Variants in BICRAL observed in about 807,000 individuals in gnomAD.
BICRAL encodes the protein BICRA like chromatin remodeling complex associated protein, also known as BRD4-interacting chromatin-remodeling complex-associated protein-like.
Under a neutral mutation model 91.8 loss-of-function variants are expected in BICRAL, and 8 were observed. The observed-to-expected ratio is 0.09, with a 90% confidence interval of 0.05 to 0.16. The LOEUF is 0.16. Ranked by LOEUF, BICRAL falls within the 10% of genes least tolerant of loss-of-function variation. BICRAL has a pLI of 1.00. For synonymous variants in BICRAL, 445 were observed against 491.1 expected (o/e 0.91, Z 1.24); for missense variants, 1,038 against 1,310.9 (o/e 0.79, Z 3.21).
Position 42,866,539 on chromosome 6 carries a change from T to C in BICRAL, c.*1093T>C, listed in dbSNP as rs1765714883. 1 of 204,128 alleles carries C rather than the reference T, an allele frequency of 4.9e-6. No individual in the cohort carries two copies. The highest frequency in any genetic ancestry group is 1.0e-5 in the Non-Finnish European group (1 of 97,810). 12.6% of individuals were successfully genotyped at this position (204,128 alleles called of 1,614,324 possible). On this transcript the variant is annotated 3_prime_UTR_variant, in exon 13 of 13. Transcript: ENST00000314073. ...TTTTCAGTTTAAACTTTAAGGAGACTCTGGCCTTGTTTATGCTTCTTGTCT... is the reference window on the plus strand; with the variant it reads ...TTTTCAGTTTAAACTTTAAGGAGACCCTGGCCTTGTTTATGCTTCTTGTCT...
chr6:42,813,691 T>G (rs972496699), intron 2 of BICRAL, among the ~76,000 whole-genome samples: 1 of 152,048 alleles, frequency 6.6e-6, no homozygotes, highest in Non-Finnish European at 1.5e-5. Flanking sequence ...CAGCTAATTT[T>G]TTTATTTTTT....
intron 1 of BICRAL, among the ~76,000 whole-genome samples, chr6:42,806,809 T>C (rs2113908796): frequency 6.7e-6 from 1 of 149,770 alleles, no homozygotes; most frequent in African/African-American, 2.5e-5. Context: ...GCCACTGTGC[T>C]CAGCTGGTAT....
At chr6:42,771,272 G>A (rs1762720399) in intron 1 of BICRAL, among the ~76,000 whole-genome samples, 1 of 152,196 alleles carries the variant, frequency 6.6e-6, no homozygotes, top group Non-Finnish European at 1.5e-5. Flanking sequence ...TCCCCCTGCG[G>A]GCCGCCGCTG....
upstream of BICRAL, among the ~76,000 whole-genome samples, chr6:42,778,395 T>C (rs1022189938): frequency 1.3e-5 from 2 of 152,194 alleles, no homozygotes; most frequent in Non-Finnish European, 2.9e-5. Flanking sequence ...AACTATCCTA[T>C]TGGGAACCTC....
intron 2 of BICRAL, among the ~76,000 whole-genome samples, chr6:42,816,679 T>C (rs538368227): frequency 1.1e-4 from 16 of 152,244 alleles, no homozygotes; most frequent in African/African-American, 3.8e-4. Context: ...AGATCTTACA[T>C]GCATGTGGCA....
chr6:42,806,630 A>T (rs1763716662), intron 1 of BICRAL, among the ~76,000 whole-genome samples: 1 of 150,414 alleles, frequency 6.6e-6, no homozygotes, highest in African/African-American at 2.5e-5. Context: ...CTCCCGCCTT[A>T]GCCTCCCATG....
chr6:42,763,361 T>C (rs1762583119), intron 1 of BICRAL, among the ~76,000 whole-genome samples: 1 of 152,248 alleles, frequency 6.6e-6, no homozygotes, highest in Admixed American at 6.5e-5. Flanking sequence ...AAAGCTTTTA[T>C]ATAAATGCTC....
chr6:42,820,743 A>G (rs1744555052), intron 2 of BICRAL, among the ~76,000 whole-genome samples: 1 of 152,020 alleles, frequency 6.6e-6, no homozygotes, highest in African/African-American at 2.4e-5. Flanking sequence ...CTCCTTTCTC[A>G]ACCATCATTT....
intron 1 of BICRAL, among the ~76,000 whole-genome samples, chr6:42,761,352 A>G (rs1012666290): frequency 7.9e-5 from 12 of 151,934 alleles, no homozygotes; most frequent in Admixed American, 5.9e-4. Context: ...GCTACTTGGG[A>G]GGTGGAGGAT....
intron 1 of BICRAL, among the ~76,000 whole-genome samples, chr6:42,806,212 C>A (rs1259781909): frequency 6.6e-6 from 1 of 152,154 alleles, no homozygotes; most frequent in African/African-American, 2.4e-5. Context: ...CAACCAGAGG[C>A]CCTTGTTTGC....
intron 2 of BICRAL, among the ~76,000 whole-genome samples, chr6:42,817,146 A>ATG (rs1479438198): frequency 8.2e-6 from 1 of 121,910 alleles, no homozygotes; most frequent in South Asian, 2.9e-4. Flanking sequence ...CACATCATTT[A>ATG]TATGTGTGTG....
At chr6:42,782,494 G>A (rs974755501) in intron 1 of BICRAL, among the ~76,000 whole-genome samples, 1 of 151,276 alleles carries the variant, frequency 6.6e-6, no homozygotes, top group South Asian at 2.1e-4. Flanking sequence ...GGGCGCAGGC[G>A]GGCAGGGGGC....
At chr6:42,774,062 G>A (rs1028661628) in intron 1 of BICRAL, among the ~76,000 whole-genome samples, 2 of 152,198 alleles carry the variant, frequency 1.3e-5, no homozygotes, top group Non-Finnish European at 2.9e-5. Context: ...ATTTCAGAGA[G>A]GAGAACTAAG....
intron 1 of BICRAL, among the ~76,000 whole-genome samples, chr6:42,790,248 C>T (rs1016282692): frequency 2.0e-5 from 3 of 152,000 alleles, no homozygotes; most frequent in African/African-American, 7.3e-5. Context: ...GCCTGGACCT[C>T]CTGGGATCAA....
intron 1 of BICRAL, among the ~76,000 whole-genome samples, chr6:42,787,771 A>G (rs1371542805): frequency 6.6e-6 from 1 of 152,180 alleles, no homozygotes; most frequent in Non-Finnish European, 1.5e-5. Flanking sequence ...GGATGCTTCG[A>G]AGAGAGAATA....
rs547419244 is a variant in BICRAL, at chr6:42,824,682, G to A, written c.159+1679G>A. Among the ~76,000 whole-genome samples the A allele has an allele frequency of 3.9e-5, 6 of 152,318 alleles. No individual in the cohort carries two copies. In the South Asian group the frequency reaches 1.2e-3, roughly 32 times the overall value. On this transcript the variant is annotated intron_variant, in intron 5 of 12. Transcript: ENST00000314073. Reference sequence around the variant, plus strand: ...CAACCTGAGAAACTCATATTAGAATGTTTTGAACCTTGTTACATAATAATC... The same window carrying A: ...CAACCTGAGAAACTCATATTAGAATATTTTGAACCTTGTTACATAATAATC...
rs1325335689 is a variant in BICRAL, at chr6:42,829,269, T to C, written c.936T>C (p.Asn312=). Residue 312 remains asparagine (N), a synonymous_variant, in exon 6 of 13, where the codon AAT becomes AAC. Coordinates refer to ENST00000314073, the MANE Select transcript of BICRAL (RefSeq NM_001393499.1). ...CAAATTCAAATAAAGTCCCAATTAA[T>C]ATACAGCCAAAGCCTATCCAGATGG... is the stretch of plus-strand genomic sequence containing the variant. ...LAPNSNKVPI[N]IQPKPIQMGQ... The C allele has an allele frequency of 1.9e-6, 3 of 1,614,054 alleles. No individual in the cohort carries two copies. In the African/African-American group the frequency reaches 4.0e-5, roughly 22 times the overall value.
At position 42,852,352 on chromosome 6, in the gene BICRAL, G is replaced by A. The variant is rs150892100; in HGVS notation, c.1945+155G>A. 1.2e-3 allele frequency: 844 copies of A among 706,518 alleles called. 9 individuals are homozygous for A. In the East Asian group the frequency reaches 0.017, roughly 14 times the overall value. 43.8% of individuals were successfully genotyped at this position (706,518 alleles called of 1,614,324 possible). The stretch of plus-strand genomic sequence containing the variant: ...GTATCCTTTCCGCAAATAATATACT[G>A]TGTTGCATCAACTCTAAGATAGCAT... On this transcript the variant is annotated intron_variant, in intron 7 of 12. Coordinates refer to ENST00000314073, the MANE Select transcript of BICRAL (RefSeq NM_001393499.1).
intron 1 of BICRAL, among the ~76,000 whole-genome samples, chr6:42,790,526 C>G (rs1040007159): frequency 6.8e-6 from 1 of 146,808 alleles, no homozygotes; most frequent in African/African-American, 2.6e-5. Flanking sequence ...ATGTAGCACC[C>G]CCCCCCCACC....
Sources: gnomAD v4.1 joint callset for allele counts (sites outside exome capture counted in the v4.1 genomes callset) on GRCh38, gnomAD v4.1.1 for gene constraint, MANE v1.5 for transcripts, NCBI Gene and HGNC (gene_info 2026-07-23, HGNC 2026-07-21) for gene names.